The following BLTP3A variants were observed in gnomAD, a reference collection of about 807,000 sequenced individuals.
BLTP3A encodes bridge-like lipid transfer protein family member 3A, also known as ICBP90 binding protein 1.
chr6:34,847,764 GT>G, the BLTP3A span, among the ~76,000 whole-genome samples: 12 of 132,100 alleles, frequency 9.1e-5, no homozygotes, highest in East Asian at 2.4e-4. Flanking sequence ...CTTTTCTATT[GT>G]TTTTTTTTCA....
chr6:34,820,191 CTGAGA>C, the BLTP3A span, among the ~76,000 whole-genome samples: 1 of 152,020 alleles, frequency 6.6e-6, no homozygotes, highest in African/African-American at 2.4e-5. Context: ...AGCTTGCTTC[CTGAGA>C]TAATAGGTCT....
chr6:34,841,569 T>C, the BLTP3A span, among the ~76,000 whole-genome samples: 2 of 152,208 alleles, frequency 1.3e-5, no homozygotes, highest in Non-Finnish European at 2.9e-5. Context: ...CATAGAACAC[T>C]TCCATCATCA....
At chr6:34,837,630 A>G in the BLTP3A span, among the ~76,000 whole-genome samples, 1 of 152,138 alleles carries the variant, frequency 6.6e-6, no homozygotes, top group African/African-American at 2.4e-5. Context: ...GTGAGCCATG[A>G]TTTGTGCCAC....
chr6:34,834,183 A>G, the BLTP3A span: 1 of 1,603,116 alleles, frequency 6.2e-7, no homozygotes, highest in Non-Finnish European at 8.5e-7. Flanking sequence ...AGTCTCCCAT[A>G]ATTCTGATTG....
the BLTP3A span, chr6:34,872,915 G>C: frequency 6.5e-6 from 1 of 153,182 alleles, no homozygotes; most frequent in East Asian, 1.9e-4. Flanking sequence ...CTTTGGCCAT[G>C]GTAGTGGAGT....
the BLTP3A span, chr6:34,871,841 A>G: frequency 6.2e-7 from 1 of 1,614,222 alleles, no homozygotes; most frequent in Non-Finnish European, 8.5e-7. Context: ...ACAAACCATC[A>G]GCTGAAGTAC....
At chr6:34,799,588 G>A in the BLTP3A span, among the ~76,000 whole-genome samples, 3 of 152,184 alleles carry the variant, frequency 2.0e-5, no homozygotes, top group Non-Finnish European at 4.4e-5. Context: ...TCACAGTAAT[G>A]AAAATTAACT....
At chr6:34,798,585 TCTTTC>T in the BLTP3A span, among the ~76,000 whole-genome samples, 15 of 137,206 alleles carry the variant, frequency 1.1e-4, no homozygotes, top group Non-Finnish European at 1.3e-4. Flanking sequence ...TTTTTAATTT[TCTTTC>T]TTTCTTTTTT....
At chr6:34,827,961 T>C in the BLTP3A span, among the ~76,000 whole-genome samples, 1 of 152,184 alleles carries the variant, frequency 6.6e-6, no homozygotes, top group Non-Finnish European at 1.5e-5. Context: ...GAAAGGTTCT[T>C]TTATTTGTTT....
the BLTP3A span, among the ~76,000 whole-genome samples, chr6:34,831,432 C>A: frequency 6.6e-6 from 1 of 152,138 alleles, no homozygotes; most frequent in Admixed American, 6.6e-5. Flanking sequence ...CTGGCCCACC[C>A]TTAATTTTTT....
At chr6:34,871,289 AGTGGTATATAAAT>A in the BLTP3A span, among the ~76,000 whole-genome samples, 1 of 152,170 alleles carries the variant, frequency 6.6e-6, no homozygotes, top group African/African-American at 2.4e-5. Context: ...TCAGTGTTAT[AGTGGTATATAAAT>A]GTGTGTTGCT....
chr6:34,802,875 T>TA, the BLTP3A span, among the ~76,000 whole-genome samples: 3 of 151,960 alleles, frequency 2.0e-5, no homozygotes, highest in Admixed American at 6.6e-5. Context: ...ATATTATATG[T>TA]AAAAAAAATC....
chr6:34,871,799 C>A, the BLTP3A span: 1 of 1,613,216 alleles, frequency 6.2e-7, no homozygotes, highest in South Asian at 1.1e-5. Context: ...TCACTTAGAA[C>A]CTTTACTTGT....
chr6:34,836,406 C>T, the BLTP3A span: 1 of 1,520,506 alleles, frequency 6.6e-7, no homozygotes, highest in Non-Finnish European at 9.0e-7. Flanking sequence ...TAGCTCTGGG[C>T]AGAGCCTGGG....
the BLTP3A span, chr6:34,856,554 C>G: frequency 8.6e-7 from 1 of 1,168,316 alleles, no homozygotes; most frequent in Non-Finnish European, 1.2e-6. Flanking sequence ...TTTACAGAGA[C>G]CTCTTTGACT....
chr6:34,842,273 T>C, the BLTP3A span, among the ~76,000 whole-genome samples: 33 of 152,330 alleles, frequency 2.2e-4, no homozygotes, highest in East Asian at 6.2e-3. Context: ...TAAGCTGTAT[T>C]GAGATACAAT....
chr6:34,859,600 TC>T, the BLTP3A span: 2 of 1,608,714 alleles, frequency 1.2e-6, no homozygotes, highest in East Asian at 4.5e-5. Context: ...CCTTCACTCA[TC>T]CCATCTCCTT....
At chr6:34,815,863 G>A in the BLTP3A span, among the ~76,000 whole-genome samples, 1 of 152,160 alleles carries the variant, frequency 6.6e-6, no homozygotes, top group Non-Finnish European at 1.5e-5. Flanking sequence ...GGCCAGGCTG[G>A]TCTCAAACTC....
chr6:34,817,382 T>A, the BLTP3A span, among the ~76,000 whole-genome samples: 1 of 152,224 alleles, frequency 6.6e-6, no homozygotes, highest in Admixed American at 6.5e-5. Context: ...GTAGATTAAA[T>A]TTTTTAAAGT....
Sources: gnomAD v4.1 joint callset for allele counts (sites outside exome capture counted in the v4.1 genomes callset) on GRCh38, gnomAD v4.1.1 for gene constraint, MANE v1.5 for transcripts, NCBI Gene and HGNC (gene_info 2026-07-23, HGNC 2026-07-21) for gene names.